TBX5: variants seen among roughly 807,000 people sequenced by gnomAD.
TBX5 encodes T-box transcription factor 5.
TBX5 carries 8 observed loss-of-function variants against 51.1 expected under a neutral mutation model. The observed-to-expected ratio is 0.16, with a 90% CI of 0.09 to 0.28. The LOEUF (loss-of-function observed/expected upper bound fraction) is 0.28, where lower values mean the gene tolerates loss of function less well. TBX5 is among the 10% of genes least tolerant of loss of function. The pLI, the probability that TBX5 is intolerant of heterozygous loss-of-function variation, is 1.00. For synonymous variants in TBX5, 302 were observed against 266.4 expected (o/e 1.13, Z -1.30); for missense variants, 589 against 671.7 (o/e 0.88, Z 1.36).
intron 3 of TBX5, among the ~76,000 whole-genome samples, chr12:114,401,437 A>C (rs114984525): frequency 1.3e-5 from 2 of 151,830 alleles, no homozygotes; most frequent in Non-Finnish European, 2.9e-5. Context: ...AAACCCAAAA[A>C]CCTTCTAGAC....
chr12:114,391,149 A>G (rs1281373760), intron 6 of TBX5, among the ~76,000 whole-genome samples: 1 of 152,204 alleles, frequency 6.6e-6, no homozygotes, highest in East Asian at 1.9e-4. Context: ...TATTTTTCCA[A>G]ATTGTCTTGG....
chr12:114,389,570 C>T (rs1385279795), intron 6 of TBX5, among the ~76,000 whole-genome samples: 1 of 148,826 alleles, frequency 6.7e-6, no homozygotes, highest in Non-Finnish European at 1.5e-5. Context: ...CCGGCTAAAA[C>T]GGTGAAACCC....
At position 114,364,584 on chromosome 12, in the gene TBX5, C is replaced by T. The variant is rs190312001; in HGVS notation, c.982+1581G>A. On this transcript the variant is annotated intron_variant, in intron 8 of 8. Coordinates refer to ENST00000405440, the MANE Select transcript of TBX5 (RefSeq NM_181486.4). Reference sequence around the variant, plus strand: ...GACCACAGATGTAAACTTTAGCCTACCCCATCCCTTCTGTATCTGTCTTCT... The same window carrying T: ...GACCACAGATGTAAACTTTAGCCTATCCCATCCCTTCTGTATCTGTCTTCT... Among the ~76,000 whole-genome samples the T allele has an allele frequency of 1.5e-3, 224 of 152,294 alleles. 4 individuals carry two copies. In the South Asian group the frequency reaches 0.02, roughly 13 times the overall value.
chr12:114,400,684 TCA>T (rs1022468649), intron 3 of TBX5, among the ~76,000 whole-genome samples: 2 of 152,206 alleles, frequency 1.3e-5, no homozygotes, highest in African/African-American at 4.8e-5. Flanking sequence ...AGTTAAATCC[TCA>T]CGGCTCAGGC....
At chr12:114,370,643 C>T (rs1869846250) in intron 7 of TBX5, among the ~76,000 whole-genome samples, 1 of 79,158 alleles carries the variant, frequency 1.3e-5, no homozygotes, top group South Asian at 4.1e-4. Flanking sequence ...CTCTCCCTCT[C>T]TCTCTCTCTC....
At chr12:114,365,610 C>T (rs1207879855) in intron 8 of TBX5, among the ~76,000 whole-genome samples, 1 of 152,100 alleles carries the variant, frequency 6.6e-6, no homozygotes, top group Non-Finnish European at 1.5e-5. Flanking sequence ...AGGTGGGTCA[C>T]TTGAGCCCAG....
rs112024563 is a variant in TBX5 at position 114,401,291 on chromosome 12, T to G, written c.242+535A>C. 8.2e-3 allele frequency among the ~76,000 whole-genome samples: 1,243 copies of G among 152,292 alleles called. 15 individuals carry two copies. The highest frequency in any genetic ancestry group is 0.028 in the African/African-American group (1,162 of 41,558). ...TTCAGTTTTAAAGGCTTCGCCTGCT[T>G]TCTATAAACAATGAAAGAGGTAGCG... On this transcript the variant is annotated intron_variant, in intron 3 of 8. Coordinates refer to ENST00000405440, the MANE Select transcript of TBX5 (RefSeq NM_181486.4).
chr12:114,396,818 G>A (rs1871460453), intron 5 of TBX5, among the ~76,000 whole-genome samples: 2 of 152,176 alleles, frequency 1.3e-5, no homozygotes, highest in African/African-American at 2.4e-5. Context: ...CAGATACACA[G>A]CCAGGGCGGG....
intron 6 of TBX5, among the ~76,000 whole-genome samples, chr12:114,391,427 A>G (rs1453263126): frequency 6.6e-6 from 1 of 152,188 alleles, no homozygotes; most frequent in African/African-American, 2.4e-5. Flanking sequence ...CTGTTAATAA[A>G]CTGATCTGCT....
At chr12:114,366,661 G>C (rs989196909) in intron 7 of TBX5, among the ~76,000 whole-genome samples, 2 of 152,136 alleles carry the variant, frequency 1.3e-5, no homozygotes, top group Admixed American at 1.3e-4. Flanking sequence ...AACACCCCCA[G>C]TTAAGAACCC....
chr12:114,385,978 G>T (rs936246577), intron 6 of TBX5, among the ~76,000 whole-genome samples: 3 of 152,112 alleles, frequency 2.0e-5, no homozygotes, highest in African/African-American at 7.2e-5. Flanking sequence ...ATCTCCATTG[G>T]AAGGGTTGAC....
chr12:114,387,989 A>T (rs1310829450), intron 6 of TBX5, among the ~76,000 whole-genome samples: 1 of 151,824 alleles, frequency 6.6e-6, no homozygotes. Context: ...GGCATGCACC[A>T]CCATGCTGGG....
Position 114,405,944 on chromosome 12 carries a change from T to C in TBX5, c.-355A>G. The C allele has an allele frequency of 1.0e-6, 1 of 985,324 alleles. No individual in the cohort carries two copies. Among genetic ancestry groups the C allele is most frequent in the Non-Finnish European group, 1.2e-6 (1 of 829,972 alleles). 61.0% of individuals were successfully genotyped at this position (985,324 alleles called of 1,614,324 possible). On this transcript the variant is annotated 5_prime_UTR_variant, in exon 1 of 9. Coordinates refer to ENST00000405440, the MANE Select transcript of TBX5 (RefSeq NM_181486.4). ...ATAATCTCAGTGCCCCGCTCCTCCT[T>C]TACACCCCCAGGGAGGGAAAGTTGG...
upstream of TBX5, chr12:114,407,085 G>A (rs1565944757): frequency 1.0e-6 from 1 of 985,394 alleles, no homozygotes; most frequent in Non-Finnish European, 1.2e-6. Flanking sequence ...GATGGAGGGA[G>A]GAGAAATGCC....
intron 7 of TBX5, among the ~76,000 whole-genome samples, chr12:114,367,829 C>A (rs1466159232): frequency 6.6e-6 from 1 of 152,152 alleles, no homozygotes; most frequent in Non-Finnish European, 1.5e-5. Context: ...GCTAAACAGC[C>A]ATTTAAAACA....
intron 3 of TBX5, 33 bp from the exon 4 acceptor site, chr12:114,399,665 C>T (rs756340269): frequency 5.6e-6 from 9 of 1,613,804 alleles, no homozygotes; most frequent in Non-Finnish European, 6.8e-6. Context: ...GAGAGGGGGG[C>T]GGGAATTAAT....
At chr12:114,399,745 A>C in intron 3 of TBX5, 113 bp from the exon 4 acceptor site, 2 of 1,538,012 alleles carry the variant, frequency 1.3e-6, no homozygotes, top group African/African-American at 1.4e-5. Flanking sequence ...GTGGAAGCGG[A>C]AACTAGCCCC....
chr12:114,360,167 T>C (rs780102040), intron 8 of TBX5, among the ~76,000 whole-genome samples: 1 of 152,210 alleles, frequency 6.6e-6, no homozygotes, highest in Non-Finnish European at 1.5e-5. Flanking sequence ...AGAGTAGTAA[T>C]CTTTCTAGCT....
At chr12:114,373,184 T>C (rs1237794105) in intron 7 of TBX5, among the ~76,000 whole-genome samples, 2 of 152,172 alleles carry the variant, frequency 1.3e-5, no homozygotes, top group South Asian at 2.1e-4. Flanking sequence ...CACATTTGCA[T>C]TGGCTACTCA....
Sources: allele counts gnomAD v4.1 joint callset (sites outside exome capture counted in the v4.1 genomes callset), GRCh38; gene constraint gnomAD v4.1.1; transcripts MANE v1.5; gene names NCBI Gene and HGNC (gene_info 2026-07-23, HGNC 2026-07-21).